The following DNAH6 variants were observed in gnomAD, a reference collection of about 807,000 sequenced individuals.
DNAH6 encodes axonemal beta dynein heavy chain 6.
A neutral mutation model predicts 491.4 loss-of-function variants in DNAH6; 340 were observed. The observed-to-expected ratio is 0.69, with a 90% CI of 0.63 to 0.76. The LOEUF (loss-of-function observed/expected upper bound fraction) is 0.76. DNAH6 is among the 30% of genes least tolerant of loss of function. The probability of loss-of-function intolerance (pLI) is 0.00; values close to 1 mark genes in which losing one functional copy is unlikely to be tolerated. For synonymous variants in DNAH6, 1,603 were observed against 1,686.1 expected, an observed-to-expected ratio of 0.95 and a Z score of 1.21; for missense variants, 4,443 against 4,972.2, an observed-to-expected ratio of 0.89 and a Z score of 3.20.
intron 63 of DNAH6, among the ~76,000 whole-genome samples, chr2:84,761,922 T>C (rs1200582582): frequency 6.6e-6 from 1 of 151,976 alleles, no homozygotes; most frequent in African/African-American, 2.4e-5. Context: ...GAATAACCCA[T>C]GGGGGAGCCA....
chr2:84,608,115 A>G (rs564489352), intron 21 of DNAH6, among the ~76,000 whole-genome samples: 6 of 152,340 alleles, frequency 3.9e-5, no homozygotes, highest in Admixed American at 3.3e-4. Flanking sequence ...GTCCTTATCT[A>G]TTCAAGTTTT....
intron 37 of DNAH6, 69 bp from the exon 38 acceptor site, chr2:84,669,220 G>A: frequency 8.3e-7 from 1 of 1,204,774 alleles, no homozygotes; most frequent in South Asian, 1.3e-5. Flanking sequence ...TTCTATGTGA[G>A]TGTATCTACT....
intron 62 of DNAH6, among the ~76,000 whole-genome samples, chr2:84,737,253 A>G (rs1376407131): frequency 1.3e-5 from 2 of 151,676 alleles, no homozygotes; most frequent in Non-Finnish European, 3.0e-5. Flanking sequence ...AAGATTTTTG[A>G]GTCTATTTTC....
intron 10 of DNAH6, among the ~76,000 whole-genome samples, chr2:84,556,006 GA>G (rs1181239534): frequency 6.6e-6 from 1 of 152,148 alleles, no homozygotes; most frequent in Non-Finnish European, 1.5e-5. Context: ...CTGACAGCAA[GA>G]TTATTCTCAT....
intron 73 of DNAH6, 119 bp from the exon 74 acceptor site, chr2:84,812,939 C>T: frequency 2.6e-6 from 2 of 779,426 alleles, no homozygotes; most frequent in Non-Finnish European, 4.2e-6. Flanking sequence ...GGGGTGGTGA[C>T]TAACTCAGGG....
chr2:84,707,654 G>A lies in DNAH6; in HGVS notation c.8986G>A (p.Val2996Met), dbSNP rs762611227. ...EEEISNITGN[V>M]FIAAACVAYY... ...AGAAATATCAAATATCACTGGGAAC[G>A]TGTTCATAGCAGCAGCTTGTGTGGC... Residue 2996 changes from valine to methionine, a missense_variant, in exon 54 of 77, where the codon GTG becomes ATG. By Grantham distance (21) the Val-to-Met change is conservative. Transcript: ENST00000389394. 5.4e-5 allele frequency: 84 copies of A among 1,552,230 alleles called. No individual in the cohort carries two copies. Among genetic ancestry groups the A allele is most frequent in the East Asian group, 4.2e-4 (17 of 40,938 alleles).
At chr2:84,565,514 T>C (rs1681107567) in intron 11 of DNAH6, among the ~76,000 whole-genome samples, 1 of 152,036 alleles carries the variant, frequency 6.6e-6, no homozygotes, top group Admixed American at 6.6e-5. Context: ...TGAGGATCTT[T>C]TTTATTTCTC....
intron 12 of DNAH6, among the ~76,000 whole-genome samples, chr2:84,573,856 G>A (rs1397821517): frequency 6.6e-6 from 1 of 152,188 alleles, no homozygotes. Context: ...TTGTATCAGT[G>A]CTAAGAGTAT....
chr2:84,553,365 TTTTCTTTC>T (rs869077601), intron 10 of DNAH6, among the ~76,000 whole-genome samples: 1,433 of 19,290 alleles, frequency 0.074, 21 homozygotes, highest in South Asian at 0.11. Flanking sequence ...TTTTCTTTTC[TTTTCTTTC>T]TTTCTTTCTT....
chr2:84,549,803 T>C (rs965136080), intron 8 of DNAH6, 86 bp from the exon 9 acceptor site: 97 of 897,574 alleles, frequency 1.1e-4, no homozygotes, highest in Non-Finnish European at 1.2e-4. Flanking sequence ...ATATTTTACA[T>C]TTTAAATATT....
chr2:84,788,138 G>A (rs961214201), intron 68 of DNAH6, among the ~76,000 whole-genome samples: 16 of 152,180 alleles, frequency 1.1e-4, no homozygotes, highest in Non-Finnish European at 2.2e-4. Flanking sequence ...TGAACCAATA[G>A]GGAAAGGCCT....
intron 12 of DNAH6, among the ~76,000 whole-genome samples, chr2:84,575,922 G>A: frequency 6.6e-6 from 1 of 152,090 alleles, no homozygotes; most frequent in East Asian, 1.9e-4. Flanking sequence ...CTCAACTATC[G>A]GCTTTAATCT....
At chr2:84,785,586 C>G (rs1677097728) in intron 66 of DNAH6, 24 bp from the exon 67 acceptor site, 1 of 1,495,336 alleles carries the variant, frequency 6.7e-7, no homozygotes, top group Non-Finnish European at 8.9e-7. Context: ...CTCTCTCTGC[C>G]ACATATATTC....
At position 84,640,596 on chromosome 2, in the gene DNAH6, T is replaced by C. The variant is rs765740282; in HGVS notation, c.4970+18T>C. On this transcript the variant is annotated intron_variant, in intron 32 of 76. Transcript: ENST00000389394. ...ATGGCTGGGTAAGAAACCAAAGTAG[T>C]CAAGAGTGAAATCCCAAACCATGTG... 6.5e-7 allele frequency: 1 copy of C among 1,538,836 alleles called. No individual in the cohort carries two copies. Among genetic ancestry groups the C allele is most frequent in the South Asian group, 1.2e-5 (1 of 81,272 alleles).
intron 45 of DNAH6, among the ~76,000 whole-genome samples, chr2:84,690,391 T>C (rs1047371575): frequency 1.3e-5 from 2 of 152,286 alleles, no homozygotes; most frequent in Non-Finnish European, 2.9e-5. Flanking sequence ...TTCCCCTCTG[T>C]CCCCCTGGCA....
chr2:84,808,738 G>C (rs903310470), intron 72 of DNAH6, among the ~76,000 whole-genome samples, 196 bp downstream of exon 72: 2 of 152,156 alleles, frequency 1.3e-5, no homozygotes, highest in Non-Finnish European at 2.9e-5. Context: ...TAATGATGGA[G>C]TGAATATGTA....
rs536910634 is a variant in DNAH6 at position 84,549,904 on chromosome 2, C to T, written c.1332C>T (p.Asn444=). The part of the protein sequence containing the change: ...CMRLTCFIRL[N]DYLIENTMHI... Reference sequence around the variant, plus strand: ...TCTTTTCAAGCTTTATTCGTCTAAACGACTATCTAATTGAGAACACAATGC... The same window carrying T: ...TCTTTTCAAGCTTTATTCGTCTAAATGACTATCTAATTGAGAACACAATGC... The change falls in exon 9 of 77, where the codon AAC becomes AAT. Residue 444 remains asparagine, a synonymous_variant. Transcript: ENST00000389394. 14 of 1,599,238 alleles carry T rather than the reference C, an allele frequency of 8.8e-6. No individual in the cohort carries two copies. The highest frequency in any genetic ancestry group is 6.7e-5 in the East Asian group (3 of 44,580).
At chr2:84,667,764 C>A (rs7595992) in intron 37 of DNAH6, among the ~76,000 whole-genome samples, 147,067 of 152,312 alleles carry the variant, frequency 0.97, 71,058 homozygotes, top group East Asian at 1. Flanking sequence ...ATTATAAACT[C>A]TACTGCTATA....
Position 84,706,940 on chromosome 2 carries a change from A to G in DNAH6, c.8772A>G (p.Ala2924=). Reference sequence around the variant, plus strand: ...TGGCTACCCTGAGAGAAAAGCAAGCATTACTAAGACAAGTAGAAGATCAAA... The same window carrying G: ...TGGCTACCCTGAGAGAAAAGCAAGCGTTACTAAGACAAGTAGAAGATCAAA... ...ITMATLREKQ[A]LLRQVEDQIQ... Residue 2924 remains alanine (A), a synonymous_variant, in exon 53 of 77, where the codon GCA becomes GCG. Coordinates refer to ENST00000389394, the MANE Select transcript of DNAH6 (RefSeq NM_001370.2). The G allele has an allele frequency of 1.3e-6, 2 of 1,545,084 alleles. No individual in the cohort carries two copies. Among genetic ancestry groups the G allele is most frequent in the Non-Finnish European group, 8.7e-7 (1 of 1,145,826 alleles).
Sources: allele counts gnomAD v4.1 joint callset (sites outside exome capture counted in the v4.1 genomes callset), GRCh38; gene constraint gnomAD v4.1.1; transcripts MANE v1.5; gene names NCBI Gene and HGNC (gene_info 2026-07-23, HGNC 2026-07-21).